Variants in TMEM108 observed in about 807,000 individuals in gnomAD.
TMEM108 encodes the protein transmembrane protein 108.
Under a neutral mutation model 35.1 loss-of-function variants are expected in TMEM108, and 12 were observed. The ratio of observed to expected loss-of-function variants is 0.34; its 90% CI spans 0.22 to 0.55. The LOEUF (loss-of-function observed/expected upper bound fraction) is 0.55. TMEM108 is among the 20% of genes least tolerant of loss of function. The pLI, the probability that TMEM108 is intolerant of heterozygous loss-of-function variation, is 0.89. For missense variants in TMEM108, 680 were observed against 753.3 expected (o/e 0.90, Z 1.14); for synonymous variants, 287 against 308.6 (o/e 0.93, Z 0.73).
intron 2 of TMEM108, among the ~76,000 whole-genome samples, chr3:133,182,384 C>T (rs976364470): frequency 1.3e-5 from 2 of 152,122 alleles, no homozygotes; most frequent in Non-Finnish European, 2.9e-5. Flanking sequence ...TAAAAACCTG[C>T]TGAGTATCAC....
intron 3 of TMEM108, among the ~76,000 whole-genome samples, chr3:133,292,820 G>C (rs902638299): frequency 6.6e-6 from 1 of 152,196 alleles, no homozygotes; most frequent in Non-Finnish European, 1.5e-5. Flanking sequence ...CTGGGCTTGA[G>C]ATAGAGGATG....
At chr3:133,100,520 A>C (rs1944073801) in intron 2 of TMEM108, among the ~76,000 whole-genome samples, 1 of 152,174 alleles carries the variant, frequency 6.6e-6, no homozygotes, top group African/African-American at 2.4e-5. Flanking sequence ...TGGGAGTATC[A>C]CTTGAGCCCA....
At chr3:133,240,863 A>G (rs759782246) in intron 3 of TMEM108, among the ~76,000 whole-genome samples, 4 of 152,208 alleles carry the variant, frequency 2.6e-5, no homozygotes, top group Non-Finnish European at 4.4e-5. Flanking sequence ...CTGTATTACT[A>G]TCATTAAATA....
chr3:133,348,223 G>T (rs2071881159), intron 3 of TMEM108, among the ~76,000 whole-genome samples: 1 of 151,892 alleles, frequency 6.6e-6, no homozygotes, highest in Non-Finnish European at 1.5e-5. Flanking sequence ...TAACTAGATA[G>T]CCCTGAAACA....
intron 3 of TMEM108, among the ~76,000 whole-genome samples, chr3:133,282,143 C>T (rs1320973566): frequency 2.6e-5 from 4 of 152,134 alleles, no homozygotes; most frequent in Non-Finnish European, 4.4e-5. Context: ...GGCGACAGAG[C>T]GAGACTCCGT....
At chr3:133,076,311 T>C (rs1432806170) in intron 2 of TMEM108, among the ~76,000 whole-genome samples, 1 of 152,164 alleles carries the variant, frequency 6.6e-6, no homozygotes, top group Non-Finnish European at 1.5e-5. Context: ...AACATTCTGC[T>C]TGCACTTCGA....
At chr3:133,275,523 G>C (rs1445901936) in intron 3 of TMEM108, among the ~76,000 whole-genome samples, 5 of 152,316 alleles carry the variant, frequency 3.3e-5, no homozygotes, top group African/African-American at 1.2e-4. Flanking sequence ...GATGGCTACT[G>C]TATTGGATAA....
At chr3:133,287,074 G>C (rs1006708588) in intron 3 of TMEM108, among the ~76,000 whole-genome samples, 1 of 152,162 alleles carries the variant, frequency 6.6e-6, no homozygotes, top group Non-Finnish European at 1.5e-5. Flanking sequence ...TGGACAAGTA[G>C]GAGGCTCAGG....
At chr3:133,238,439 C>T (rs1205734565) in intron 3 of TMEM108, among the ~76,000 whole-genome samples, 7 of 152,172 alleles carry the variant, frequency 4.6e-5, no homozygotes, top group Non-Finnish European at 1.0e-4. Context: ...GTTTCTTAAA[C>T]AATCACACAC....
intron 3 of TMEM108, among the ~76,000 whole-genome samples, chr3:133,375,271 G>A (rs1281956662): frequency 6.6e-6 from 1 of 152,162 alleles, no homozygotes; most frequent in Non-Finnish European, 1.5e-5. Flanking sequence ...TGGGTCCTGA[G>A]CTCATGTATG....
intron 2 of TMEM108, among the ~76,000 whole-genome samples, chr3:133,111,554 T>G (rs1486167251): frequency 1.3e-5 from 2 of 152,148 alleles, no homozygotes; most frequent in African/African-American, 4.8e-5. Flanking sequence ...TCCTCAGATG[T>G]GTGTGTATTC....
chr3:133,291,574 G>C (rs1031388538), intron 3 of TMEM108, among the ~76,000 whole-genome samples: 1 of 143,702 alleles, frequency 7.0e-6, no homozygotes, highest in Non-Finnish European at 1.6e-5. Context: ...CAGCACACCA[G>C]GCCTACCAGT....
intron 3 of TMEM108, among the ~76,000 whole-genome samples, chr3:133,270,197 C>T: frequency 6.6e-6 from 1 of 152,088 alleles, no homozygotes; most frequent in Non-Finnish European, 1.5e-5. Context: ...TATTTCATCC[C>T]ACAATACTGG....
At chr3:133,279,917 C>T (rs561873939) in intron 3 of TMEM108, among the ~76,000 whole-genome samples, 1 of 152,254 alleles carries the variant, frequency 6.6e-6, no homozygotes, top group Non-Finnish European at 1.5e-5. Context: ...GTGTAATTAG[C>T]TGGATGTAAA....
At chr3:133,228,849 CA>C (rs2107652009) in intron 2 of TMEM108, among the ~76,000 whole-genome samples, 1 of 152,216 alleles carries the variant, frequency 6.6e-6, no homozygotes, top group Admixed American at 6.5e-5. Context: ...AATACAGTTT[CA>C]AGTGTGGCGA....
intron 2 of TMEM108, among the ~76,000 whole-genome samples, chr3:133,194,417 G>T (rs897400023): frequency 6.6e-6 from 1 of 152,004 alleles, no homozygotes; most frequent in South Asian, 2.1e-4. Context: ...TTTTCAAATT[G>T]CATCTCTTCT....
chr3:133,213,919 C>T (rs1945868539), intron 2 of TMEM108, among the ~76,000 whole-genome samples: 1 of 152,062 alleles, frequency 6.6e-6, no homozygotes, highest in Non-Finnish European at 1.5e-5. Context: ...ATTTATACCC[C>T]TAAGAGTAAT....
At chr3:133,337,512 C>T (rs568176343) in intron 3 of TMEM108, among the ~76,000 whole-genome samples, 3 of 152,174 alleles carry the variant, frequency 2.0e-5, no homozygotes, top group Non-Finnish European at 2.9e-5. Context: ...TGTCCCCTAA[C>T]GCAGATATGG....
intron 3 of TMEM108, among the ~76,000 whole-genome samples, chr3:133,272,272 C>CGT (rs3078833): frequency 0.037 from 5,089 of 137,768 alleles, 252 homozygotes; most frequent in African/African-American, 0.11. Context: ...CATACACGTA[C>CGT]GTGTGTGTGT....
Sources: allele counts gnomAD v4.1 joint callset (sites outside exome capture counted in the v4.1 genomes callset), GRCh38; gene constraint gnomAD v4.1.1; transcripts MANE v1.5; gene names NCBI Gene and HGNC (gene_info 2026-07-23, HGNC 2026-07-21).